The following PCDHA4 variants were observed in gnomAD, a reference collection of about 807,000 sequenced individuals.
PCDHA4 encodes the protein protocadherin alpha-4.
Under a neutral mutation model 61.4 loss-of-function variants are expected in PCDHA4, and 49 were observed. The observed-to-expected ratio is 0.80, with a 90% CI of 0.63 to 1.01. PCDHA4 has a LOEUF of 1.01. PCDHA4 is among the 50% of genes least tolerant of loss of function. The probability of loss-of-function intolerance (pLI) is 0.00; values close to 1 mark genes in which losing one functional copy is unlikely to be tolerated. For synonymous variants in PCDHA4, 590 were observed against 550.3 expected (o/e 1.07, Z -1.01); for missense variants, 1,254 against 1,235.8 (o/e 1.01, Z -0.22).
chr5:140,856,458 A>G, intron 1 of PCDHA4: 1 of 1,598,416 alleles, frequency 6.3e-7, no homozygotes, highest in South Asian at 1.1e-5. Context: ...GTAACAGAAC[A>G]AAAGCTCTCA....
At chr5:140,824,170 T>C in intron 1 of PCDHA4, 1 of 1,610,876 alleles carries the variant, frequency 6.2e-7, no homozygotes. Flanking sequence ...CTCCCAATTT[T>C]CAAATATTAA....
chr5:140,911,885 A>T (rs1242639819), intron 1 of PCDHA4, among the ~76,000 whole-genome samples: 1 of 152,216 alleles, frequency 6.6e-6, no homozygotes, highest in Non-Finnish European at 1.5e-5. Flanking sequence ...TCCTGGGACC[A>T]AAATCTGTAT....
intron 1 of PCDHA4, chr5:140,812,933 A>G (rs1476757197): frequency 6.6e-6 from 1 of 152,170 alleles, no homozygotes; most frequent in African/African-American, 2.4e-5. Flanking sequence ...TAATTTCTAC[A>G]TATTTGCAGA....
chr5:140,999,363 A>G (rs772527438), intron 3 of PCDHA4, among the ~76,000 whole-genome samples: 1 of 152,198 alleles, frequency 6.6e-6, no homozygotes, highest in Non-Finnish European at 1.5e-5. Flanking sequence ...AATGTTCACA[A>G]TCCCATTAGA....
chr5:140,987,004 A>G (rs2097221558), intron 3 of PCDHA4, among the ~76,000 whole-genome samples: 2 of 152,242 alleles, frequency 1.3e-5, no homozygotes, highest in Non-Finnish European at 2.9e-5. Flanking sequence ...ACTTGAGGTC[A>G]TGAGTTCGAG....
At chr5:140,907,773 G>C (rs2073598085) in intron 1 of PCDHA4, among the ~76,000 whole-genome samples, 1 of 152,200 alleles carries the variant, frequency 6.6e-6, no homozygotes, top group Admixed American at 6.5e-5. Flanking sequence ...GGTGATGACA[G>C]GGGTGGCTGG....
chr5:140,993,454 T>G (rs1343043993), intron 3 of PCDHA4, among the ~76,000 whole-genome samples: 1 of 133,974 alleles, frequency 7.5e-6, no homozygotes, highest in Non-Finnish European at 1.6e-5. Flanking sequence ...GTTCTCCTTC[T>G]TTCTTTCTCA....
intron 1 of PCDHA4, among the ~76,000 whole-genome samples, chr5:140,838,075 ATAGT>A (rs1236223360): frequency 0.032 from 4,047 of 127,880 alleles, 62 homozygotes; most frequent in African/African-American, 0.052. Context: ...TTATATATAT[ATAGT>A]GTGTGTGTGT....
intron 1 of PCDHA4, chr5:140,926,893 A>G: frequency 1.3e-6 from 2 of 1,547,320 alleles, no homozygotes; most frequent in Non-Finnish European, 1.7e-6. Context: ...TAGAGGGAGG[A>G]TGGTGGGCTG....
At chr5:140,967,695 T>C (rs782761674) in intron 1 of PCDHA4, 5 of 1,614,184 alleles carry the variant, frequency 3.1e-6, no homozygotes, top group Admixed American at 1.7e-5. Flanking sequence ...CTCTTCAGCA[T>C]AGATGCCAGT....
rs2150454845 is a variant in PCDHA4 at position 140,849,865 on chromosome 5, A to C, written c.2385+40293A>C. On this transcript the variant is annotated intron_variant, in intron 1 of 3. Transcript: ENST00000530339. ...AACGACAACGCACCAGCGTTCGCGC[A>C]GTCCGAGTACACGGTGTTCGTGAAG... 1.4e-5 allele frequency: 23 copies of C among 1,598,572 alleles called. 3 individuals carry two copies. The highest frequency in any genetic ancestry group is 1.8e-5 in the Non-Finnish European group (21 of 1,167,972).
At chr5:140,856,939 G>T (rs1554149308) in intron 1 of PCDHA4, 2 of 1,593,866 alleles carry the variant, frequency 1.3e-6, no homozygotes, top group Non-Finnish European at 1.7e-6. Flanking sequence ...TAAACGAAAG[G>T]ACGGGAGAAA....
rs782034471 is a variant in PCDHA4 at position 141,010,170 on chromosome 5, T to G, written c.*233T>G. ...TCCACTCTGGCTTGTTTTCAGAACCTAAAAAGCAGACCCAAGTTTCCTTTC... is the reference window on the plus strand; with the variant it reads ...TCCACTCTGGCTTGTTTTCAGAACCGAAAAAGCAGACCCAAGTTTCCTTTC... On this transcript the variant is annotated 3_prime_UTR_variant, in exon 4 of 4. Transcript: ENST00000530339. 6.4e-7 allele frequency: 1 copy of G among 1,559,590 alleles called. No individual in the cohort carries two copies.
At chr5:140,998,156 C>T (rs782675490) in intron 3 of PCDHA4, among the ~76,000 whole-genome samples, 3 of 152,178 alleles carry the variant, frequency 2.0e-5, no homozygotes, top group Non-Finnish European at 4.4e-5. Context: ...ACAGTTAAGC[C>T]ATGTGCCAAG....
At chr5:140,852,978 A>T in intron 1 of PCDHA4, 1 of 358,934 alleles carries the variant, frequency 2.8e-6, no homozygotes, top group Non-Finnish European at 4.1e-6. Flanking sequence ...TCCCGTGTTC[A>T]CGCCATTCTC....
intron 1 of PCDHA4, chr5:140,929,003 G>A: frequency 6.2e-7 from 1 of 1,614,106 alleles, no homozygotes; most frequent in South Asian, 1.1e-5. Flanking sequence ...TTCTTCGTGT[G>A]TACCAAGTTG....
chr5:140,932,966 G>C (rs2088764912), intron 1 of PCDHA4, among the ~76,000 whole-genome samples: 1 of 151,942 alleles, frequency 6.6e-6, no homozygotes, highest in South Asian at 2.1e-4. Context: ...TTGCTGAAAG[G>C]TTTTTACAAT....
chr5:140,822,949 G>T (rs2150120687), intron 1 of PCDHA4: 8 of 1,614,230 alleles, frequency 5.0e-6, no homozygotes, highest in Non-Finnish European at 6.8e-6. Flanking sequence ...AATGCCCCAC[G>T]TTCCCTTCAA....
At chr5:140,871,086 G>T (rs556097993) in intron 1 of PCDHA4, 15 of 1,613,256 alleles carry the variant, frequency 9.3e-6, no homozygotes, top group Non-Finnish European at 1.1e-5. Context: ...TGACGGCCAC[G>T]GCCACCGTGC....
Sources: allele counts gnomAD v4.1 joint callset (sites outside exome capture counted in the v4.1 genomes callset), GRCh38; gene constraint gnomAD v4.1.1; transcripts MANE v1.5; gene names NCBI Gene and HGNC (gene_info 2026-07-23, HGNC 2026-07-21).